MAP2: variants seen among roughly 807,000 people sequenced by gnomAD.
The protein encoded by MAP2 is microtubule associated protein 2.
A neutral mutation model predicts 137.6 loss-of-function variants in MAP2; 14 were observed. The observed-to-expected ratio is 0.10, with a 90% CI of 0.07 to 0.16. MAP2 has a LOEUF of 0.16. Among genes scored for constraint, MAP2 ranks in the 10% least tolerant of loss-of-function variants. The pLI is 1.00. For synonymous variants in MAP2, 786 were observed against 782.3 expected, an observed-to-expected ratio of 1.00 and a Z score of -0.08; for missense variants, 2,088 against 2,191.5, an observed-to-expected ratio of 0.95 and a Z score of 0.94.
At chr2:209,454,023 C>T (rs895421711) in intron 1 of MAP2, among the ~76,000 whole-genome samples, 28 of 151,704 alleles carry the variant, frequency 1.8e-4, no homozygotes, top group African/African-American at 5.8e-4. Flanking sequence ...TGGTGGCGGG[C>T]GCCTGTAGTC....
intron 4 of MAP2, among the ~76,000 whole-genome samples, chr2:209,628,907 G>T (rs1191232248): frequency 6.6e-6 from 1 of 152,164 alleles, no homozygotes; most frequent in Non-Finnish European, 1.5e-5. Flanking sequence ...TAGATGCTCT[G>T]CACACAGAGT....
chr2:209,634,893 C>T (rs2093421207), intron 4 of MAP2, among the ~76,000 whole-genome samples: 1 of 152,018 alleles, frequency 6.6e-6, no homozygotes, highest in African/African-American at 2.4e-5. Flanking sequence ...AAGCATTTTG[C>T]TTGGGCAACA....
intron 1 of MAP2, among the ~76,000 whole-genome samples, chr2:209,472,484 CACTT>C (rs1324042495): frequency 6.6e-6 from 1 of 152,142 alleles, no homozygotes; most frequent in Non-Finnish European, 1.5e-5. Context: ...TGTAAAGTGA[CACTT>C]AAAAGCTCAT....
intron 3 of MAP2, among the ~76,000 whole-genome samples, chr2:209,582,580 T>C (rs545192201): frequency 1.3e-5 from 2 of 152,032 alleles, no homozygotes; most frequent in South Asian, 2.1e-4. Context: ...TTTCTATAAA[T>C]GTAATATGAG....
chr2:209,429,199 C>T (rs575208304), intron 1 of MAP2, among the ~76,000 whole-genome samples: 6 of 151,936 alleles, frequency 3.9e-5, no homozygotes, highest in East Asian at 1.9e-4. Context: ...GTGATCCGCC[C>T]GCCTCAGCCT....
chr2:209,540,461 G>A (rs551236359), intron 2 of MAP2, among the ~76,000 whole-genome samples: 220 of 150,860 alleles, frequency 1.5e-3, no homozygotes, highest in Non-Finnish European at 2.7e-3. Flanking sequence ...GTGAAACCCC[G>A]TCTCTACTAA....
chr2:209,505,286 G>T (rs2060894950), intron 1 of MAP2, among the ~76,000 whole-genome samples: 1 of 152,078 alleles, frequency 6.6e-6, no homozygotes, highest in Admixed American at 6.6e-5. Context: ...TAACAACTTA[G>T]TAGCCTTTTG....
chr2:209,450,023 C>A (rs1214809841), intron 1 of MAP2, among the ~76,000 whole-genome samples: 1 of 152,172 alleles, frequency 6.6e-6, no homozygotes, highest in East Asian at 1.9e-4. Context: ...GTCACTGCAA[C>A]CTCCGCCTCC....
intron 5 of MAP2, among the ~76,000 whole-genome samples, chr2:209,667,323 GT>G (rs992965599): frequency 6.6e-6 from 1 of 151,590 alleles, no homozygotes; most frequent in East Asian, 1.9e-4. Flanking sequence ...TACTTTTACA[GT>G]TTTTTTTAAA....
rs2092760035 is a variant in MAP2 at position 209,629,529 on chromosome 2, C to T, written c.-30+4400C>T. On this transcript the variant is annotated intron_variant, in intron 4 of 15. Coordinates refer to ENST00000682079, the MANE Select transcript of MAP2 (RefSeq NM_001375505.1). ...CTGAAAATAAATACTTTGACTTGCA[C>T]TGATTACTACTTCATCAGCATTCAA... Among the ~76,000 whole-genome samples, 2 of 152,196 alleles carry T rather than the reference C, an allele frequency of 1.3e-5. 1 individual carries two copies. Among genetic ancestry groups the T allele is most frequent in the South Asian group, 4.1e-4 (2 of 4,836 alleles).
At chr2:209,578,129 C>A (rs1375813662) in intron 2 of MAP2, among the ~76,000 whole-genome samples, 4 of 152,160 alleles carry the variant, frequency 2.6e-5, no homozygotes, top group African/African-American at 9.7e-5. Flanking sequence ...TCAGGAAACG[C>A]TGCGGGTGCC....
intron 5 of MAP2, among the ~76,000 whole-genome samples, chr2:209,654,992 A>AT (rs1378290928): frequency 2.6e-5 from 4 of 152,214 alleles, no homozygotes; most frequent in Admixed American, 1.3e-4. Flanking sequence ...TACACAAAAA[A>AT]AAATCACTGC....
chr2:209,445,581 C>T (rs574580353), intron 1 of MAP2, among the ~76,000 whole-genome samples: 20 of 151,614 alleles, frequency 1.3e-4, no homozygotes, highest in African/African-American at 4.6e-4. Flanking sequence ...ACACAAGATC[C>T]TCTGGGCACG....
At chr2:209,564,027 A>G (rs1317024277) in intron 2 of MAP2, among the ~76,000 whole-genome samples, 1 of 152,176 alleles carries the variant, frequency 6.6e-6, no homozygotes, top group Non-Finnish European at 1.5e-5. Context: ...TCATCTCTCA[A>G]CAGTCAATGT....
Position 209,730,744 on chromosome 2 carries a change from C to T in MAP2, c.*347C>T, listed in dbSNP as rs2075678850. On this transcript the variant is annotated 3_prime_UTR_variant, in exon 16 of 16. Transcript: ENST00000682079. The stretch of plus-strand genomic sequence containing the variant: ...ACATTCTGAAGGCCTTGTTAAAATC[C>T]AAGCTGCTCATTTCACTATTCTGTT... 5.0e-6 allele frequency: 1 copy of T among 201,908 alleles called. No homozygotes were observed. Among genetic ancestry groups the T allele is most frequent in the African/African-American group, 2.4e-5 (1 of 42,448 alleles). 12.5% of individuals were successfully genotyped at this position (201,908 alleles called of 1,614,324 possible). A position where few individuals can be genotyped will look rare whatever the true frequency, so the allele number is the denominator to read the frequency against.
intron 1 of MAP2, among the ~76,000 whole-genome samples, chr2:209,499,540 A>C (rs994957785): frequency 6.6e-6 from 1 of 152,160 alleles, no homozygotes; most frequent in Non-Finnish European, 1.5e-5. Context: ...CCCACTCTTC[A>C]GTTCAATGTA....
At chr2:209,650,824 A>C (rs1343192082) in intron 4 of MAP2, among the ~76,000 whole-genome samples, 1 of 152,202 alleles carries the variant, frequency 6.6e-6, no homozygotes, top group East Asian at 1.9e-4. Context: ...AAAGCCTGTT[A>C]ACTCAGAAAA....
chr2:209,527,320 A>G (rs1210220821), intron 2 of MAP2, among the ~76,000 whole-genome samples: 1 of 152,154 alleles, frequency 6.6e-6, no homozygotes, highest in Non-Finnish European at 1.5e-5. Context: ...TAGAATGTTC[A>G]TAGAGCAGGA....
chr2:209,728,156 C>CA (rs2074758584), intron 14 of MAP2, among the ~76,000 whole-genome samples: 1 of 151,906 alleles, frequency 6.6e-6, no homozygotes, highest in Non-Finnish European at 1.5e-5. Context: ...GACATTTTAG[C>CA]AAAAATTTAA....
Sources: allele counts gnomAD v4.1 joint callset (sites outside exome capture counted in the v4.1 genomes callset), GRCh38; gene constraint gnomAD v4.1.1; transcripts MANE v1.5; gene names NCBI Gene and HGNC (gene_info 2026-07-23, HGNC 2026-07-21).